OR5AS1: variants seen among roughly 807,000 people sequenced by gnomAD.
OR5AS1 encodes the protein olfactory receptor family 5 subfamily AS member 1, also known as olfactory receptor 5AS1.
For missense variants in OR5AS1, 492 were observed against 378.2 expected, an observed-to-expected ratio of 1.30 and a Z score of -2.50; for synonymous variants, 196 against 141.7, an observed-to-expected ratio of 1.38 and a Z score of -2.72.
At position 56,036,121 on chromosome 11, in the gene OR5AS1, A is replaced by G. The variant is rs1853401891; in HGVS notation, c.*4728A>G. ...CACAAGGTATCAGAATCTCTGGGAC[A>G]TAGCTAAAGCAGTGTTTAGAGGAAA... On this transcript the variant is annotated 3_prime_UTR_variant, in exon 2 of 2. Transcript: ENST00000641320. 1 of 152,146 alleles carries G rather than the reference A, an allele frequency of 6.6e-6. No homozygotes were observed. The highest frequency in any genetic ancestry group is 2.4e-5 in the African/African-American group (1 of 41,410). 9.4% of individuals were successfully genotyped at this position (152,146 alleles called of 1,614,324 possible). A position where few individuals can be genotyped will look rare whatever the true frequency, so the allele number is the denominator to read the frequency against.
In OR5AS1 at chr11:56,036,317, C is replaced by T. The variant is rs1266642210; in HGVS notation, c.*4924C>T. ...TGAAGGAGATAGAGACATGAAAAAC[C>T]CTTCAAAAAATCAATGAATCCAGGA... On this transcript the variant is annotated 3_prime_UTR_variant, in exon 2 of 2. Transcript: ENST00000641320. 3 of 151,874 alleles carry T rather than the reference C, an allele frequency of 2.0e-5. No individual in the cohort carries two copies. The highest frequency in any genetic ancestry group is 4.4e-5 in the Non-Finnish European group (3 of 67,994). 9.4% of individuals were successfully genotyped at this position (151,874 alleles called of 1,614,324 possible).
At position 56,033,948 on chromosome 11, in the gene OR5AS1, T is replaced by C. The variant is rs543901931; in HGVS notation, c.*2555T>C. 4.6e-5 allele frequency: 7 copies of C among 152,354 alleles called. No homozygotes were observed. The highest frequency in any genetic ancestry group is 1.7e-4 in the African/African-American group (7 of 41,524). 9.4% of individuals were successfully genotyped at this position (152,354 alleles called of 1,614,324 possible). ...GGAAGGAACGGGCAGCAATCTTTAC[T>C]GTTCTGCAGCCTTCGCAGGCAAACA... On this transcript the variant is annotated 3_prime_UTR_variant, in exon 2 of 2. Coordinates refer to ENST00000641320, the MANE Select transcript of OR5AS1 (RefSeq NM_001001921.2).
chr11:56,028,758 C>T (rs1361957435), intron 1 of OR5AS1, among the ~76,000 whole-genome samples: 2 of 151,974 alleles, frequency 1.3e-5, no homozygotes, highest in Admixed American at 1.3e-4. Context: ...GACTTTGATC[C>T]CATAACTTGT....
At position 56,030,526 on chromosome 11, in the gene OR5AS1, A is replaced by C; in HGVS notation, c.108A>C (p.Thr36=). 1 of 1,556,112 alleles carries C rather than the reference A, an allele frequency of 6.4e-7. No individual in the cohort carries two copies. Among genetic ancestry groups the C allele is most frequent in the East Asian group, 2.2e-5 (1 of 44,510 alleles). Residue 36 remains threonine, a synonymous_variant, in exon 2 of 2, where the codon ACA becomes ACC. Coordinates refer to ENST00000641320, the MANE Select transcript of OR5AS1 (RefSeq NM_001001921.2). The part of the protein sequence containing the change: ...TLFLVFLLVY[T]LTMVGNILLI... Reference sequence around the variant, plus strand: ...TCTTGGTATTCCTTCTGGTATATACATTAACTATGGTCGGAAATATACTCT... The same window carrying C: ...TCTTGGTATTCCTTCTGGTATATACCTTAACTATGGTCGGAAATATACTCT...
At position 56,030,538 on chromosome 11, in the gene OR5AS1, C is replaced by A. The variant is rs756790508; in HGVS notation, c.120C>A (p.Val40=). ...TTCTGGTATATACATTAACTATGGT[C>A]GGAAATATACTCTTAATAATTCTAG... is the stretch of plus-strand genomic sequence containing the variant. ...VFLLVYTLTM[V]GNILLIILVN... Residue 40 remains valine (V), a synonymous_variant, in exon 2 of 2, where the codon GTC becomes GTA. Transcript: ENST00000641320. 1 of 1,553,616 alleles carries A rather than the reference C, an allele frequency of 6.4e-7. No individual in the cohort carries two copies. The highest frequency in any genetic ancestry group is 1.2e-5 in the South Asian group (1 of 84,578).
In OR5AS1 at chr11:56,030,642, C is replaced by T; in HGVS notation, c.224C>T (p.Thr75Ile). 1 of 1,570,930 alleles carries T rather than the reference C, an allele frequency of 6.4e-7. No individual in the cohort carries two copies. The highest frequency in any genetic ancestry group is 8.6e-7 in the Non-Finnish European group (1 of 1,158,478). Residue 75 changes from threonine (T) to isoleucine (I), a missense_variant, in exon 2 of 2, where the codon ACA becomes ATA. Coordinates refer to ENST00000641320, the MANE Select transcript of OR5AS1 (RefSeq NM_001001921.2). ...TCTTTCTTAGACATCAGCTGTTCTA[C>T]AGCAATCACTCCTAAAATGCTGGCA... ...NLSFLDISCSTAITPKMLANF... is the reference protein window; with the variant it reads ...NLSFLDISCSIAITPKMLANF...
At position 56,035,283 on chromosome 11, in the gene OR5AS1, T is replaced by C. The variant is rs2134699358; in HGVS notation, c.*3890T>C. Reference sequence around the variant, plus strand: ...CACATAACAATATTAACCTTAAATGTAAATGGGCTGAAAGCCCCAGTTAAA... The same window carrying C: ...CACATAACAATATTAACCTTAAATGCAAATGGGCTGAAAGCCCCAGTTAAA... On this transcript the variant is annotated 3_prime_UTR_variant, in exon 2 of 2. Coordinates refer to ENST00000641320, the MANE Select transcript of OR5AS1 (RefSeq NM_001001921.2). 6.6e-6 allele frequency: 1 copy of C among 152,294 alleles called. No individual in the cohort carries two copies. Among genetic ancestry groups the C allele is most frequent in the East Asian group, 1.9e-4 (1 of 5,178 alleles). The allele number at this position is 152,294 out of a possible 1,614,324, so 9.4% of individuals were successfully genotyped here.
chr11:56,035,116 G>A lies in OR5AS1; in HGVS notation c.*3723G>A, dbSNP rs1853390931. The A allele has an allele frequency of 6.6e-6, 1 of 152,116 alleles. No individual in the cohort carries two copies. The highest frequency in any genetic ancestry group is 1.5e-5 in the Non-Finnish European group (1 of 68,032). The allele number at this position is 152,116 out of a possible 1,614,324, so 9.4% of individuals were successfully genotyped here. ...GCCTGCTTTACAAGAGCTCCTGAAG[G>A]AAGCACTAAACATGGAAAGGTACAA... On this transcript the variant is annotated 3_prime_UTR_variant, in exon 2 of 2. Coordinates refer to ENST00000641320, the MANE Select transcript of OR5AS1 (RefSeq NM_001001921.2).
rs1227057928 is a variant in OR5AS1 at position 56,037,880 on chromosome 11, C to T, written c.*6487C>T. The T allele has an allele frequency of 6.6e-6, 1 of 152,052 alleles. No homozygotes were observed. Among genetic ancestry groups the T allele is most frequent in the Non-Finnish European group, 1.5e-5 (1 of 68,046 alleles). The allele number at this position is 152,052 out of a possible 1,614,324, so 9.4% of individuals were successfully genotyped here. ...CCTGGCTTCAAACTATACTACAAGG[C>T]TACAGTAATAAAAACAGTATGGTCC... is the stretch of plus-strand genomic sequence containing the variant. On this transcript the variant is annotated 3_prime_UTR_variant, in exon 2 of 2. Transcript: ENST00000641320.
In OR5AS1 at chr11:56,037,240, A is replaced by G. The variant is rs181550495; in HGVS notation, c.*5847A>G. The G allele has an allele frequency of 6.6e-6, 1 of 152,136 alleles. No individual in the cohort carries two copies. The highest frequency in any genetic ancestry group is 1.5e-5 in the Non-Finnish European group (1 of 68,032). 9.4% of individuals were successfully genotyped at this position (152,136 alleles called of 1,614,324 possible). On this transcript the variant is annotated 3_prime_UTR_variant, in exon 2 of 2. Coordinates refer to ENST00000641320, the MANE Select transcript of OR5AS1 (RefSeq NM_001001921.2). Reference sequence around the variant, plus strand: ...CCCTCTCTCACCACTCCTATTCAACATAGTATTGAAAGTGCTGGCCAGGGC... The same window carrying G: ...CCCTCTCTCACCACTCCTATTCAACGTAGTATTGAAAGTGCTGGCCAGGGC...
intron 1 of OR5AS1, 93 bp from the exon 2 acceptor site, chr11:56,030,298 C>T: frequency 1.2e-5 from 6 of 502,670 alleles, no homozygotes; most frequent in Middle Eastern, 3.1e-4. Flanking sequence ...TGTGATTTTA[C>T]TGACCTTCTA....
chr11:56,028,950 T>C (rs1202435253), intron 1 of OR5AS1, among the ~76,000 whole-genome samples: 1 of 152,090 alleles, frequency 6.6e-6, no homozygotes, highest in Non-Finnish European at 1.5e-5. Context: ...TATATAAAGC[T>C]TGCAAATGTG....
chr11:56,031,266 C>A lies in OR5AS1; in HGVS notation c.848C>A (p.Pro283His). 6.2e-7 allele frequency: 1 copy of A among 1,613,462 alleles called. No individual in the cohort carries two copies. ...GCAGTGTTTTATACTGTTGTATTTC[C>A]CATGTTTAATCCAATAATTTATAGT... ...VVAVFYTVVF[P>H]MFNPIIYSFR... Residue 283 changes from proline to histidine, a missense_variant, in exon 2 of 2, where the codon CCC becomes CAC. Coordinates refer to ENST00000641320, the MANE Select transcript of OR5AS1 (RefSeq NM_001001921.2).
Position 56,030,901 on chromosome 11 carries a change from C to G in OR5AS1, c.483C>G (p.Cys161Trp). The G allele has an allele frequency of 6.2e-7, 1 of 1,614,066 alleles. No individual in the cohort carries two copies. The highest frequency in any genetic ancestry group is 8.5e-7 in the Non-Finnish European group (1 of 1,180,004). ...GTACAACATCACTGGTCCATGTGTG[C>G]CTCACATTCAGGCTGTCATTTTGTG... The part of the protein sequence containing the change: ...SGSTTSLVHV[C>W]LTFRLSFCGS... Residue 161 changes from cysteine to tryptophan, a missense_variant, in exon 2 of 2, where the codon TGC becomes TGG. Physicochemically the swap from Cys to Trp is radical, Grantham distance 215. Transcript: ENST00000641320.
chr11:56,031,363 T>C lies in OR5AS1; in HGVS notation c.945T>C (p.Tyr315=), dbSNP rs574542325. 3.2e-6 allele frequency: 5 copies of C among 1,549,496 alleles called. No homozygotes were observed. The highest frequency in any genetic ancestry group is 4.3e-6 in the Non-Finnish European group (5 of 1,149,678). ...GAATTGGATATTCAAATGAATGGTATTTAAATCGTTTAAGAATAGTCAATA... is the reference window on the plus strand; with the variant it reads ...GAATTGGATATTCAAATGAATGGTACTTAAATCGTTTAAGAATAGTCAATA... ...LERIGYSNEW[Y]LNRLRIVNI The change falls in exon 2 of 2, where the codon TAT becomes TAC. Residue 315 remains tyrosine, a synonymous_variant. Transcript: ENST00000641320.
Position 56,031,096 on chromosome 11 carries a change from G to C in OR5AS1, c.678G>C (p.Leu226Phe). The C allele has an allele frequency of 6.2e-7, 1 of 1,613,950 alleles. No individual in the cohort carries two copies. The highest frequency in any genetic ancestry group is 8.5e-7 in the Non-Finnish European group (1 of 1,179,974). ...ISYFCILITV[L>F]SIKSSGGRSK... ...ACTTCTGCATCCTCATCACTGTGTT[G>C]AGCATCAAGTCCTCAGGTGGCAGAA... Residue 226 changes from leucine (L) to phenylalanine (F), a missense_variant, in exon 2 of 2, where the codon TTG becomes TTC. Leu to Phe is a conservative substitution (Grantham distance 22, BLOSUM62 0). Coordinates refer to ENST00000641320, the MANE Select transcript of OR5AS1 (RefSeq NM_001001921.2).
At position 56,034,653 on chromosome 11, in the gene OR5AS1, G is replaced by A. The variant is rs1853386084; in HGVS notation, c.*3260G>A. On this transcript the variant is annotated 3_prime_UTR_variant, in exon 2 of 2. Coordinates refer to ENST00000641320, the MANE Select transcript of OR5AS1 (RefSeq NM_001001921.2). Reference sequence around the variant, plus strand: ...ATATTTGATTGGTGTACCTGAAAGTGAGGGGGAGAATGGAACCAACTTGGA... The same window carrying A: ...ATATTTGATTGGTGTACCTGAAAGTAAGGGGGAGAATGGAACCAACTTGGA... 1 of 152,144 alleles carries A rather than the reference G, an allele frequency of 6.6e-6. No homozygotes were observed. Among genetic ancestry groups the A allele is most frequent in the Non-Finnish European group, 1.5e-5 (1 of 68,046 alleles). The allele number at this position is 152,144 out of a possible 1,614,324, so 9.4% of individuals were successfully genotyped here.
rs559960178 is a variant in OR5AS1, at chr11:56,036,652, C to T, written c.*5259C>T. The T allele has an allele frequency of 1.3e-5, 2 of 151,984 alleles. No individual in the cohort carries two copies. Among genetic ancestry groups the T allele is most frequent in the African/African-American group, 2.4e-5 (1 of 41,318 alleles). 9.4% of individuals were successfully genotyped at this position (151,984 alleles called of 1,614,324 possible). A position where few individuals can be genotyped will look rare whatever the true frequency, so the allele number is the denominator to read the frequency against. ...GAGGCAGTAATTAATAGCCTACCAA[C>T]AAAAAATAGTCCAGGACCAGCCAAA... On this transcript the variant is annotated 3_prime_UTR_variant, in exon 2 of 2. Transcript: ENST00000641320.
Position 56,031,184 on chromosome 11 carries a change from CT to C in OR5AS1, c.767del (p.Leu256ArgfsTer13). 6.2e-7 allele frequency: 1 copy of C among 1,613,996 alleles called. No individual in the cohort carries two copies. The highest frequency in any genetic ancestry group is 8.5e-7 in the Non-Finnish European group (1 of 1,179,968). The stretch of plus-strand genomic sequence containing the variant: ...AGTCACCTTATTCTATGGAGCGCTC[CT>C]GTTTATGTACTTACAGCCCACCACT... ...IAVTLFYGALLFMYLQPTTSY... is the reference protein window; with the variant it reads ...IAVTLFYGALXFMYLQPTTSY... On this transcript the variant is annotated frameshift_variant, in exon 2 of 2. Coordinates refer to ENST00000641320, the MANE Select transcript of OR5AS1 (RefSeq NM_001001921.2). LOFTEE classifies it low-confidence loss of function (END_TRUNC).
Sources: gnomAD v4.1 joint callset for allele counts (sites outside exome capture counted in the v4.1 genomes callset) on GRCh38, gnomAD v4.1.1 for gene constraint, MANE v1.5 for transcripts, NCBI Gene and HGNC (gene_info 2026-07-23, HGNC 2026-07-21) for gene names.